EPB41L2: variants seen among roughly 807,000 people sequenced by gnomAD.
EPB41L2 encodes erythrocyte membrane protein band 4.1 like 2.
A neutral mutation model predicts 113.0 loss-of-function variants in EPB41L2; 43 were observed. The ratio of observed to expected loss-of-function variants is 0.38; its 90% CI spans 0.30 to 0.49. EPB41L2 has a LOEUF of 0.49. Among genes scored for constraint, EPB41L2 ranks in the 20% least tolerant of loss-of-function variants. The pLI is 0.95. For synonymous variants in EPB41L2, 442 were observed against 436.7 expected, an observed-to-expected ratio of 1.01 and a Z score of -0.15; for missense variants, 1,147 against 1,223.4, an observed-to-expected ratio of 0.94 and a Z score of 0.93.
chr6:130,854,761 T>G (rs1332503924), intron 19 of EPB41L2, among the ~76,000 whole-genome samples: 2 of 152,350 alleles, frequency 1.3e-5, no homozygotes, highest in East Asian at 3.9e-4. Context: ...TTAGGAAAGG[T>G]AGATCATACC....
In EPB41L2 at chr6:130,997,206, C is replaced by T. The variant is rs957380209; in HGVS notation, c.-14-40707G>A. On this transcript the variant is annotated intron_variant, in intron 1 of 19. Coordinates refer to ENST00000337057, the MANE Select transcript of EPB41L2 (RefSeq NM_001431.4). ...ATGAAAGGAATTTCCTGGATTTTAT[C>T]ACAGCAATTTCCCAGGAGATTTTTC... Among the ~76,000 whole-genome samples the T allele has an allele frequency of 6.6e-5, 10 of 152,298 alleles. No individual in the cohort carries two copies. The South Asian group carries it at 2.1e-3, about 32-fold the overall frequency.
chr6:131,036,758 C>A (rs1335239818), intron 1 of EPB41L2, among the ~76,000 whole-genome samples: 1 of 151,888 alleles, frequency 6.6e-6, no homozygotes, highest in African/African-American at 2.4e-5. Context: ...ATTGTACAAG[C>A]CAGGGTTGAA....
intron 11 of EPB41L2, 101 bp from the exon 12 acceptor site, chr6:130,885,369 A>G (rs1790606218): frequency 2.8e-6 from 3 of 1,078,098 alleles, no homozygotes; most frequent in Non-Finnish European, 4.1e-6. Flanking sequence ...GCATATAAAT[A>G]GTGAACAGGA....
intron 1 of EPB41L2, among the ~76,000 whole-genome samples, chr6:131,054,107 T>C (rs1266181000): frequency 2.0e-5 from 3 of 152,198 alleles, no homozygotes; most frequent in Non-Finnish European, 4.4e-5. Context: ...TTCAACTGGC[T>C]CATGGCTCGT....
intron 4 of EPB41L2, among the ~76,000 whole-genome samples, chr6:130,909,545 G>A (rs1188173555): frequency 6.6e-6 from 1 of 152,146 alleles, no homozygotes; most frequent in African/African-American, 2.4e-5. Flanking sequence ...GGCCAATCAG[G>A]CAAGAGAAAC....
intron 1 of EPB41L2, among the ~76,000 whole-genome samples, chr6:130,978,241 G>C (rs1239921779): frequency 1.3e-5 from 2 of 152,198 alleles, no homozygotes; most frequent in African/African-American, 2.4e-5. Context: ...GGCAAGCTGG[G>C]GAAACATTAA....
rs559637557 is a variant in EPB41L2 at position 130,968,588 on chromosome 6, A to G, written c.-14-12089T>C. On this transcript the variant is annotated intron_variant, in intron 1 of 19. Coordinates refer to ENST00000337057, the MANE Select transcript of EPB41L2 (RefSeq NM_001431.4). ...CATATCCAAATGTTGGCCCCAGTCC[A>G]CTGGCTGATCAGCAGAAGGTGCCAG... Among the ~76,000 whole-genome samples, 11 of 152,300 alleles carry G rather than the reference A, an allele frequency of 7.2e-5. No homozygotes were observed. The South Asian group carries it at 2.3e-3, about 32-fold the overall frequency.
At chr6:131,008,312 C>T (rs763026812) in intron 1 of EPB41L2, among the ~76,000 whole-genome samples, 6 of 152,236 alleles carry the variant, frequency 3.9e-5, no homozygotes, top group Non-Finnish European at 7.3e-5. Flanking sequence ...GTGGCATCCA[C>T]GTGGTGTTGA....
chr6:130,866,831 T>C (rs1783897294), intron 16 of EPB41L2, among the ~76,000 whole-genome samples: 1 of 152,208 alleles, frequency 6.6e-6, no homozygotes, highest in African/African-American at 2.4e-5. Context: ...ACAGAACCAA[T>C]GTGTGAAAAC....
chr6:130,841,174 G>C (rs145034013), intron 19 of EPB41L2, among the ~76,000 whole-genome samples: 1,597 of 150,070 alleles, frequency 0.011, 24 homozygotes, highest in Non-Finnish European at 0.016. Flanking sequence ...CAAAATATTA[G>C]GTCTATTCTT....
chr6:131,026,370 T>C (rs900678795), intron 1 of EPB41L2, among the ~76,000 whole-genome samples: 1 of 152,254 alleles, frequency 6.6e-6, no homozygotes, highest in Non-Finnish European at 1.5e-5. Flanking sequence ...AGATGATGTG[T>C]GTATTTATTG....
At chr6:131,032,767 C>A (rs547089058) in intron 1 of EPB41L2, among the ~76,000 whole-genome samples, 2 of 152,264 alleles carry the variant, frequency 1.3e-5, no homozygotes, top group East Asian at 3.9e-4. Context: ...TTTATATATA[C>A]CAATGCTGAA....
At chr6:130,902,969 C>T (rs1052685464) in intron 6 of EPB41L2, among the ~76,000 whole-genome samples, 3 of 152,214 alleles carry the variant, frequency 2.0e-5, no homozygotes, top group Non-Finnish European at 4.4e-5. Flanking sequence ...TCGATCATGA[C>T]ATTTAAGCTT....
At chr6:130,840,830 C>A (rs1215499583) in intron 19 of EPB41L2, among the ~76,000 whole-genome samples, 2 of 151,988 alleles carry the variant, frequency 1.3e-5, no homozygotes, top group East Asian at 3.9e-4. Flanking sequence ...AAGCAACTGG[C>A]AAATAAGAGT....
intron 10 of EPB41L2, among the ~76,000 whole-genome samples, chr6:130,893,566 C>A (rs1793646692): frequency 6.6e-6 from 1 of 152,162 alleles, no homozygotes; most frequent in African/African-American, 2.4e-5. Context: ...CACTGAGGAT[C>A]CAGCTCATGC....
rs137948974 is a variant in EPB41L2 at position 130,953,583 on chromosome 6, G to A, written c.705+1522C>T. Among the ~76,000 whole-genome samples, 511 of 152,006 alleles carry A rather than the reference G, an allele frequency of 3.4e-3. 11 individuals carry two copies. The highest frequency in any genetic ancestry group is 0.025 in the Admixed American group (380 of 15,264). On this transcript the variant is annotated intron_variant, in intron 3 of 19. Transcript: ENST00000337057. ...CTTAATTTAAATGATGAGTTAATGG[G>A]TGCAGCACACCAACACGGCGCATGT...
intron 19 of EPB41L2, among the ~76,000 whole-genome samples, chr6:130,843,296 T>C (rs1440446069): frequency 6.6e-6 from 1 of 152,160 alleles, no homozygotes; most frequent in African/African-American, 2.4e-5. Flanking sequence ...CTGTGAGAAA[T>C]AAACTTAATA....
chr6:130,894,562 T>C (rs1793990894), intron 9 of EPB41L2, 121 bp from the exon 10 acceptor site: 2 of 804,734 alleles, frequency 2.5e-6, no homozygotes, highest in Admixed American at 2.2e-5. Flanking sequence ...AAGGTAAATA[T>C]TGCATATCTA....
At chr6:131,027,204 T>C (rs111297135) in intron 1 of EPB41L2, among the ~76,000 whole-genome samples, 140 of 152,366 alleles carry the variant, frequency 9.2e-4, no homozygotes, top group African/African-American at 3.3e-3. Context: ...GTATCAGGGC[T>C]GGGTTTGGAG....
Sources: gnomAD v4.1 joint callset for allele counts (sites outside exome capture counted in the v4.1 genomes callset) on GRCh38, gnomAD v4.1.1 for gene constraint, MANE v1.5 for transcripts, NCBI Gene and HGNC (gene_info 2026-07-23, HGNC 2026-07-21) for gene names.